ARFGEF3: variants seen among roughly 807,000 people sequenced by gnomAD.
The protein encoded by ARFGEF3 is ARFGEF family member 3, also known as brefeldin A-inhibited guanine nucleotide-exchange protein 3.
In ARFGEF3, 96 loss-of-function variants were observed where a neutral mutation model predicts 221.7. The ratio of observed to expected loss-of-function variants is 0.43; its 90% CI spans 0.37 to 0.51. ARFGEF3 has a LOEUF of 0.51. Ranked by LOEUF, ARFGEF3 falls within the 20% of genes least tolerant of loss-of-function variation. The probability of loss-of-function intolerance (pLI) is 0.00; values close to 1 mark genes in which losing one functional copy is unlikely to be tolerated. For missense variants in ARFGEF3, 2,410 were observed against 2,789.9 expected (o/e 0.86, Z 3.07); for synonymous variants, 1,145 against 1,126.8 (o/e 1.02, Z -0.32).
rs531630976 is a variant in ARFGEF3, at chr6:138,337,051, C to A, written c.*565C>A. The A allele has an allele frequency of 2.8e-4, 43 of 152,576 alleles. No individual in the cohort carries two copies. The highest frequency in any genetic ancestry group is 9.4e-4 in the African/African-American group (39 of 41,428). 9.5% of individuals were successfully genotyped at this position (152,576 alleles called of 1,614,324 possible). ...GAGGTGACTTCTGTTGTAAAATAAT[C>A]CAGAACACTTCAAAATTATTCCTAA... On this transcript the variant is annotated 3_prime_UTR_variant, in exon 34 of 34. Coordinates refer to ENST00000251691, the MANE Select transcript of ARFGEF3 (RefSeq NM_020340.5).
chr6:138,265,896 C>G (rs1473632556), intron 12 of ARFGEF3, among the ~76,000 whole-genome samples: 1 of 152,018 alleles, frequency 6.6e-6, no homozygotes, highest in Non-Finnish European at 1.5e-5. Context: ...CCACCACACC[C>G]AGCAATTTTT....
At chr6:138,222,569 A>G (rs187205900) in intron 4 of ARFGEF3, among the ~76,000 whole-genome samples, 114 of 152,334 alleles carry the variant, frequency 7.5e-4, no homozygotes, top group Middle Eastern at 3.4e-3. Flanking sequence ...TCTATTGGGT[A>G]GAAGCCAAGG....
intron 26 of ARFGEF3, among the ~76,000 whole-genome samples, chr6:138,316,902 TA>T (rs1178602089): frequency 6.6e-6 from 1 of 152,206 alleles, no homozygotes; most frequent in Non-Finnish European, 1.5e-5. Flanking sequence ...AATCATTTTT[TA>T]AAAAAAGATA....
In ARFGEF3 at chr6:138,278,570, C is replaced by T. The variant is rs1378007666; in HGVS notation, c.2248C>T (p.His750Tyr). Residue 750 changes from histidine (H) to tyrosine (Y), a missense_variant, in exon 13 of 34, where the codon CAC becomes TAC. Physicochemically the swap from His to Tyr is moderately conservative, Grantham distance 83. Around this residue, in one of 5 missense-constraint regions of ARFGEF3, gnomAD observed 594 missense variants for 734.3 expected, o/e 0.81. Coordinates refer to ENST00000251691, the MANE Select transcript of ARFGEF3 (RefSeq NM_020340.5). ...CALLLNLKLS[H>Y]GDYYRKRPTL... ...CCTGCTCCTCAACCTGAAGCTCTCC[C>T]ACGGTGACTACTACAGGAAGCGGCC... 4 of 1,614,012 alleles carry T rather than the reference C, an allele frequency of 2.5e-6. No individual in the cohort carries two copies. The highest frequency in any genetic ancestry group is 1.1e-5 in the South Asian group (1 of 91,088).
At chr6:138,329,739 G>C (rs150651812) in intron 32 of ARFGEF3, among the ~76,000 whole-genome samples, 1,578 of 152,340 alleles carry the variant, frequency 0.01, 15 homozygotes, top group Non-Finnish European at 0.016. Context: ...TTCAAGGACA[G>C]AGTTGCTGCA....
At chr6:138,217,821 G>A (rs1175835443) in intron 4 of ARFGEF3, 4 of 957,270 alleles carry the variant, frequency 4.2e-6, no homozygotes, top group Non-Finnish European at 5.8e-6. Flanking sequence ...ACATGGGTTT[G>A]TATTTTAGAA....
chr6:138,243,941 G>A (rs1017479151), intron 7 of ARFGEF3, among the ~76,000 whole-genome samples: 9 of 152,108 alleles, frequency 5.9e-5, no homozygotes, highest in Non-Finnish European at 8.8e-5. Context: ...AGTGACGTGC[G>A]CTAAGATGTT....
At chr6:138,233,849 G>A (rs1439681429) in intron 5 of ARFGEF3, among the ~76,000 whole-genome samples, 3 of 152,052 alleles carry the variant, frequency 2.0e-5, no homozygotes, top group Non-Finnish European at 4.4e-5. Flanking sequence ...TGCAAGACTG[G>A]GAGGAGTAAC....
At chr6:138,228,811 G>A (rs1355583186) in intron 4 of ARFGEF3, among the ~76,000 whole-genome samples, 1 of 152,224 alleles carries the variant, frequency 6.6e-6, no homozygotes, top group Non-Finnish European at 1.5e-5. Flanking sequence ...ATGCTCAGAA[G>A]ACTGCCCCTG....
At chr6:138,335,416 CTG>C (rs1402290703) in intron 33 of ARFGEF3, among the ~76,000 whole-genome samples, 24 of 152,054 alleles carry the variant, frequency 1.6e-4, no homozygotes, top group Admixed American at 1.6e-3. Context: ...ATTTCAGGAA[CTG>C]TTTTTCTCCA....
intron 2 of ARFGEF3, among the ~76,000 whole-genome samples, chr6:138,190,153 T>A (rs1227726906): frequency 6.6e-5 from 10 of 152,098 alleles, no homozygotes; most frequent in East Asian, 3.8e-4. Flanking sequence ...GCAGTTCACT[T>A]GCTTGGTAGA....
chr6:138,279,895 G>T (rs1382561921), intron 13 of ARFGEF3, 104 bp from the exon 14 acceptor site: 2 of 1,136,450 alleles, frequency 1.8e-6, no homozygotes, highest in Admixed American at 3.8e-5. Flanking sequence ...ACAAGCCTTG[G>T]TTTAGTTCAG....
chr6:138,166,393 A>C (rs1776723450), intron 1 of ARFGEF3, among the ~76,000 whole-genome samples: 1 of 152,242 alleles, frequency 6.6e-6, no homozygotes, highest in South Asian at 2.1e-4. Flanking sequence ...AAAAGGTCAT[A>C]CCGCATATGG....
chr6:138,334,909 C>A lies in ARFGEF3; in HGVS notation c.6063C>A (p.Thr2021=), dbSNP rs889900446. ...TCTACACCATGGCAGCCGACAAGAC[C>A]ATTTCAAAGTTGATGACCGAATACA... ...NKIYTMAADK[T]ISKLMTEYKK... Residue 2021 remains threonine (T), a synonymous_variant, in exon 33 of 34, where the codon ACC becomes ACA. Coordinates refer to ENST00000251691, the MANE Select transcript of ARFGEF3 (RefSeq NM_020340.5). The surrounding 1 kb of genome is among the most constrained non-coding windows in gnomAD (Gnocchi z 5.1). 6.3e-7 allele frequency: 1 copy of A among 1,591,444 alleles called. No individual in the cohort carries two copies.
intron 31 of ARFGEF3, among the ~76,000 whole-genome samples, chr6:138,325,390 T>G (rs1208368863): frequency 6.6e-6 from 1 of 152,228 alleles, no homozygotes; most frequent in Non-Finnish European, 1.5e-5. Context: ...ACAAGAACCT[T>G]CTACCTTCAG....
intron 4 of ARFGEF3, among the ~76,000 whole-genome samples, chr6:138,224,529 C>T (rs772904911): frequency 4.6e-5 from 7 of 152,206 alleles, no homozygotes; most frequent in Non-Finnish European, 8.8e-5. Context: ...ACATTGTCTA[C>T]ACATTTTACA....
In ARFGEF3 at chr6:138,313,650, A is replaced by G. The variant is rs982870152; in HGVS notation, c.4201-145A>G. On this transcript the variant is annotated intron_variant, in intron 25 of 33. Transcript: ENST00000251691. ...GATGCCTCTTGTAAGCTACCCTTAT[A>G]AATCCAAATCACGAATAATCAAATT... 3 of 698,972 alleles carry G rather than the reference A, an allele frequency of 4.3e-6. No individual in the cohort carries two copies. The African/African-American group carries it at 5.4e-5, about 13-fold the overall frequency. The allele number at this position is 698,972 out of a possible 1,614,324, so 43.3% of individuals were successfully genotyped here. A position where few individuals can be genotyped will look rare whatever the true frequency, so the allele number is the denominator to read the frequency against.
chr6:138,205,842 G>A (rs545125062), intron 2 of ARFGEF3, among the ~76,000 whole-genome samples: 2 of 152,206 alleles, frequency 1.3e-5, no homozygotes, highest in Non-Finnish European at 2.9e-5. Flanking sequence ...CTGTGTGGCT[G>A]GCATTATATT....
chr6:138,170,842 G>A (rs917711070), intron 2 of ARFGEF3, 129 bp downstream of exon 2: 14 of 570,542 alleles, frequency 2.5e-5, no homozygotes, highest in African/African-American at 7.7e-5. Context: ...CAGACTGGGT[G>A]ATTTATAATG....
Sources: gnomAD v4.1 joint callset for allele counts (sites outside exome capture counted in the v4.1 genomes callset) on GRCh38, gnomAD v4.1.1 for gene constraint, gnomAD v4.1.1 regional missense constraint, Gnocchi (gnomAD v3.1) non-coding constraint, MANE v1.5 for transcripts, NCBI Gene and HGNC (gene_info 2026-07-23, HGNC 2026-07-21) for gene names.